The following LRFN5 variants were observed in gnomAD, a reference collection of about 807,000 sequenced individuals.
The protein encoded by LRFN5 is leucine rich repeat and fibronectin type III domain containing 5.
Under a neutral mutation model 45.6 loss-of-function variants are expected in LRFN5, and 24 were observed. The observed-to-expected ratio is 0.53, with a 90% CI of 0.38 to 0.74. The LOEUF (loss-of-function observed/expected upper bound fraction) is 0.74, where lower values mean the gene tolerates loss of function less well. Among genes scored for constraint, LRFN5 ranks in the 30% least tolerant of loss-of-function variants. The pLI, the probability that LRFN5 is intolerant of heterozygous loss-of-function variation, is 0.00. For missense variants in LRFN5, 776 were observed against 861.5 expected (o/e 0.90, Z 1.24); for synonymous variants, 340 against 313.8 (o/e 1.08, Z -0.88).
intron 1 of LRFN5, among the ~76,000 whole-genome samples, chr14:41,685,447 T>C (rs1349780483): frequency 6.6e-6 from 1 of 152,218 alleles, no homozygotes. Context: ...TTGCTTTTGC[T>C]GTGCAGAAGC....
At chr14:41,858,323 G>A (rs1183691082) in intron 2 of LRFN5, among the ~76,000 whole-genome samples, 1 of 152,042 alleles carries the variant, frequency 6.6e-6, no homozygotes, top group Non-Finnish European at 1.5e-5. Context: ...TGCAGAACAA[G>A]TACCCCTTTC....
At chr14:41,897,744 TC>T (rs1890986381) in intron 4 of LRFN5, among the ~76,000 whole-genome samples, 1 of 152,104 alleles carries the variant, frequency 6.6e-6, no homozygotes, top group South Asian at 2.1e-4. Context: ...CCTAATTTCA[TC>T]CATTTCAAAC....
chr14:41,771,212 C>T (rs372636120), intron 2 of LRFN5, among the ~76,000 whole-genome samples: 11 of 150,298 alleles, frequency 7.3e-5, no homozygotes, highest in South Asian at 2.1e-4. Flanking sequence ...TGGATCTCCT[C>T]GCCCAGAGGC....
intron 2 of LRFN5, among the ~76,000 whole-genome samples, chr14:41,849,817 G>A (rs1889202686): frequency 6.6e-6 from 1 of 151,768 alleles, no homozygotes; most frequent in East Asian, 1.9e-4. Context: ...CTAAATCACT[G>A]TCATTATTTA....
rs558921735 is a variant in LRFN5 at position 41,724,087 on chromosome 14, C to T, written c.-196-42767C>T. Among the ~76,000 whole-genome samples the T allele has an allele frequency of 2.1e-4, 32 of 152,256 alleles. No homozygotes were observed. The South Asian group carries it at 5.6e-3, about 27-fold the overall frequency. On this transcript the variant is annotated intron_variant, in intron 1 of 5. Transcript: ENST00000298119. ...AAAAGGAGGTTCTGTGCCTCTCTCA[C>T]GTACTGGGGCTACACTCACTTTTAT...
intron 1 of LRFN5, among the ~76,000 whole-genome samples, chr14:41,740,965 C>A (rs1323057389): frequency 6.6e-6 from 1 of 151,748 alleles, no homozygotes; most frequent in Non-Finnish European, 1.5e-5. Context: ...GAAAATAATT[C>A]CATTTACAAT....
chr14:41,647,345 C>A (rs904799486), intron 1 of LRFN5, among the ~76,000 whole-genome samples: 3 of 152,162 alleles, frequency 2.0e-5, no homozygotes, highest in Non-Finnish European at 4.4e-5. Flanking sequence ...TCATCAAATG[C>A]CACCCAAAGA....
chr14:41,896,842 C>T (rs1186751259), intron 4 of LRFN5, among the ~76,000 whole-genome samples: 1 of 151,944 alleles, frequency 6.6e-6, no homozygotes, highest in African/African-American at 2.4e-5. Flanking sequence ...CCTGTAATCC[C>T]AGCACTTTGG....
intron 1 of LRFN5, among the ~76,000 whole-genome samples, chr14:41,653,483 A>C (rs1382749900): frequency 1.3e-5 from 2 of 152,160 alleles, no homozygotes; most frequent in African/African-American, 4.8e-5. Context: ...TTATAAGCCA[A>C]CATGCAGTTT....
At chr14:41,810,123 A>G (rs926772646) in intron 2 of LRFN5, among the ~76,000 whole-genome samples, 1 of 152,114 alleles carries the variant, frequency 6.6e-6, no homozygotes, top group African/African-American at 2.4e-5. Context: ...ATTGAGATTT[A>G]TGACATAATT....
At chr14:41,618,856 A>G (rs1440530151) in intron 1 of LRFN5, among the ~76,000 whole-genome samples, 3 of 152,138 alleles carry the variant, frequency 2.0e-5, no homozygotes, top group African/African-American at 4.8e-5. Context: ...ATGGATTCAT[A>G]TATTTTTGAG....
intron 1 of LRFN5, among the ~76,000 whole-genome samples, chr14:41,750,392 G>A (rs1389103892): frequency 6.6e-6 from 1 of 151,202 alleles, no homozygotes; most frequent in Non-Finnish European, 1.5e-5. Context: ...TGTTTTACCT[G>A]CCAGCAAATA....
At chr14:41,670,256 G>GATATATATAT (rs1165968461) in intron 1 of LRFN5, among the ~76,000 whole-genome samples, 3 of 45,750 alleles carry the variant, frequency 6.6e-5, no homozygotes, top group Non-Finnish European at 8.1e-5. Context: ...CATACACACA[G>GATATATATAT]ATATATATAT....
chr14:41,770,144 G>C (rs1320378755), intron 2 of LRFN5, among the ~76,000 whole-genome samples: 1 of 152,110 alleles, frequency 6.6e-6, no homozygotes, highest in Admixed American at 6.5e-5. Flanking sequence ...TAACTGACCA[G>C]GAATTTACTC....
chr14:41,646,042 A>G (rs1879801545), intron 1 of LRFN5, among the ~76,000 whole-genome samples: 1 of 152,132 alleles, frequency 6.6e-6, no homozygotes, highest in Non-Finnish European at 1.5e-5. Context: ...GTGGTGTTTC[A>G]ATATATATCA....
intron 1 of LRFN5, among the ~76,000 whole-genome samples, chr14:41,633,219 G>T (rs1398378574): frequency 6.6e-6 from 1 of 151,760 alleles, no homozygotes; most frequent in African/African-American, 2.4e-5. Flanking sequence ...AAATTTTTCA[G>T]CAGATAAGAA....
chr14:41,636,032 G>A (rs990102166), intron 1 of LRFN5, among the ~76,000 whole-genome samples: 2 of 152,066 alleles, frequency 1.3e-5, no homozygotes, highest in African/African-American at 4.8e-5. Context: ...CCATGTTAAT[G>A]GGGAAAAACA....
intron 1 of LRFN5, among the ~76,000 whole-genome samples, chr14:41,675,872 T>A (rs1382066029): frequency 6.6e-6 from 1 of 152,144 alleles, no homozygotes; most frequent in Admixed American, 6.5e-5. Flanking sequence ...GAAAATTACC[T>A]AAAGGGCATT....
chr14:41,747,284 TTA>T (rs1173228195), intron 1 of LRFN5, among the ~76,000 whole-genome samples: 1 of 151,940 alleles, frequency 6.6e-6, no homozygotes, highest in Non-Finnish European at 1.5e-5. Flanking sequence ...ATTGCAAAAC[TTA>T]CTACAAAGTT....
Sources: gnomAD v4.1 joint callset for allele counts (sites outside exome capture counted in the v4.1 genomes callset) on GRCh38, gnomAD v4.1.1 for gene constraint, MANE v1.5 for transcripts, NCBI Gene and HGNC (gene_info 2026-07-23, HGNC 2026-07-21) for gene names.